The following TENM2 variants were observed in gnomAD, a reference collection of about 807,000 sequenced individuals.
TENM2 encodes teneurin transmembrane protein 2.
Under a neutral mutation model 245.2 loss-of-function variants are expected in TENM2, and 52 were observed. That is an observed-to-expected ratio of 0.21 (90% CI 0.17 to 0.27). The LOEUF is 0.27. Among genes scored for constraint, TENM2 ranks in the 10% least tolerant of loss-of-function variants. The pLI is 1.00. For missense variants in TENM2, 3,046 were observed against 3,666.8 expected (o/e 0.83, Z 4.37); for synonymous variants, 1,363 against 1,438.9 (o/e 0.95, Z 1.19).
the TENM2 span, among the ~76,000 whole-genome samples, chr5:167,022,600 CCTT>C: frequency 2.6e-5 from 4 of 152,182 alleles, no homozygotes; most frequent in Non-Finnish European, 5.9e-5. Context: ...TTAGTTGTCT[CCTT>C]CTAAAATTTG....
At chr5:167,816,848 AG>A (rs35744985) in intron 2 of TENM2, among the ~76,000 whole-genome samples, 83,693 of 151,930 alleles carry the variant, frequency 0.55, 25,920 homozygotes, top group Non-Finnish European at 0.72. Context: ...TTGTAAGGCA[AG>A]AAATGTTCAA....
At chr5:167,393,266 G>A (rs1315737659) in intron 2 of TENM2, among the ~76,000 whole-genome samples, 1 of 152,102 alleles carries the variant, frequency 6.6e-6, no homozygotes, top group Non-Finnish European at 1.5e-5. Flanking sequence ...ACTATGCTAT[G>A]TAGTGATAAA....
the TENM2 span, among the ~76,000 whole-genome samples, chr5:167,040,424 C>T: frequency 6.6e-6 from 1 of 151,958 alleles, no homozygotes; most frequent in Non-Finnish European, 1.5e-5. Context: ...AAGCACTAAA[C>T]TGAAATAGTA....
At chr5:168,229,036 TATATATAATTAC>T (rs1223112506) in intron 25 of TENM2, among the ~76,000 whole-genome samples, 2 of 148,086 alleles carry the variant, frequency 1.4e-5, no homozygotes, top group Admixed American at 6.8e-5. Context: ...TACATTACAT[TATATATAATTAC>T]ATATATAATT....
At chr5:168,158,825 G>GTATATATATATATA (rs1373189808) in intron 12 of TENM2, among the ~76,000 whole-genome samples, 1 of 84,002 alleles carries the variant, frequency 1.2e-5, no homozygotes, top group African/African-American at 4.7e-5. Flanking sequence ...GTGTGTGTGT[G>GTATATATATATATA]TGTGTATATA....
chr5:167,429,662 A>G lies in TENM2; in HGVS notation c.502+54189A>G, dbSNP rs1162333108. Among the ~76,000 whole-genome samples, 5 of 131,686 alleles carry G rather than the reference A, an allele frequency of 3.8e-5. No homozygotes were observed. The South Asian group carries it at 9.5e-4, about 25-fold the overall frequency. The allele number at this position is 131,686 out of a possible 152,430, so 86.4% of individuals were successfully genotyped here. On this transcript the variant is annotated intron_variant, in intron 2 of 28. Coordinates refer to ENST00000518659, the Ensembl canonical transcript of TENM2. ...TCTCACTCTGCCCAGGCTGGAGTGCAGTGAAGCGACCGCGGCTCAGTGCAA... is the reference window on the plus strand; with the variant it reads ...TCTCACTCTGCCCAGGCTGGAGTGCGGTGAAGCGACCGCGGCTCAGTGCAA...
chr5:167,293,959 C>G (rs1754803643), intron 1 of TENM2, among the ~76,000 whole-genome samples: 1 of 141,914 alleles, frequency 7.0e-6, no homozygotes, highest in Admixed American at 7.5e-5. Flanking sequence ...ATCAGAGACT[C>G]TAAGTAGATG....
chr5:167,351,210 A>G (rs1758893523), intron 1 of TENM2, among the ~76,000 whole-genome samples: 1 of 151,138 alleles, frequency 6.6e-6, no homozygotes, highest in Non-Finnish European at 1.5e-5. Flanking sequence ...TATATGGGAT[A>G]TATATACATA....
intron 12 of TENM2, among the ~76,000 whole-genome samples, chr5:168,142,405 G>A (rs1388414030): frequency 6.6e-6 from 1 of 152,220 alleles, no homozygotes; most frequent in African/African-American, 2.4e-5. Context: ...ATGGGGTTAT[G>A]CTAAGTAATA....
intron 2 of TENM2, among the ~76,000 whole-genome samples, chr5:167,765,408 C>CA (rs78952126): frequency 6.6e-6 from 1 of 152,044 alleles, no homozygotes; most frequent in Non-Finnish European, 1.5e-5. Context: ...AGGAATCTGT[C>CA]AAAAAAGGCA....
the TENM2 span, among the ~76,000 whole-genome samples, chr5:167,249,921 A>G: frequency 2.0e-5 from 3 of 152,162 alleles, no homozygotes; most frequent in Non-Finnish European, 2.9e-5. Context: ...TATGTGTTGA[A>G]TTCAGAATTC....
chr5:167,334,030 CA>C (rs1757613613), intron 1 of TENM2, among the ~76,000 whole-genome samples: 1 of 152,102 alleles, frequency 6.6e-6, no homozygotes, highest in Non-Finnish European at 1.5e-5. Context: ...AATAAGAATA[CA>C]CTAATAAATA....
chr5:167,849,571 T>A (rs1770379676), intron 2 of TENM2, among the ~76,000 whole-genome samples: 1 of 151,976 alleles, frequency 6.6e-6, no homozygotes, highest in Non-Finnish European at 1.5e-5. Flanking sequence ...TAGCATCAGA[T>A]CCCACAGGTT....
At chr5:167,678,432 T>C (rs1379381796) in intron 2 of TENM2, among the ~76,000 whole-genome samples, 3 of 152,118 alleles carry the variant, frequency 2.0e-5, no homozygotes, top group Non-Finnish European at 2.9e-5. Context: ...TGCCTGAAGA[T>C]TGGTAAAAAT....
intron 7 of TENM2, among the ~76,000 whole-genome samples, chr5:168,079,990 G>C (rs1791835879): frequency 6.6e-6 from 1 of 152,168 alleles, no homozygotes; most frequent in Admixed American, 6.5e-5. Context: ...AATTGGAATA[G>C]TTTCAGAAGG....
intron 7 of TENM2, among the ~76,000 whole-genome samples, chr5:168,083,524 A>G (rs750050565): frequency 8.0e-4 from 122 of 152,326 alleles, no homozygotes; most frequent in Non-Finnish European, 1.2e-3. Flanking sequence ...GTCTTCTGCA[A>G]TGCTCACACT....
At chr5:167,050,124 G>T in the TENM2 span, among the ~76,000 whole-genome samples, 1 of 152,146 alleles carries the variant, frequency 6.6e-6, no homozygotes, top group Non-Finnish European at 1.5e-5. Flanking sequence ...AGAGAGAAGG[G>T]TCTAGAATAG....
intron 2 of TENM2, among the ~76,000 whole-genome samples, chr5:167,642,072 C>T (rs904716902): frequency 1.3e-4 from 20 of 149,558 alleles, no homozygotes; most frequent in African/African-American, 4.9e-4. Context: ...ACCCAGGAGG[C>T]GGAGGTTGCA....
intron 2 of TENM2, among the ~76,000 whole-genome samples, chr5:167,428,160 A>G (rs896669349): frequency 2.0e-5 from 3 of 152,212 alleles, no homozygotes; most frequent in Non-Finnish European, 2.9e-5. Flanking sequence ...GCAAAATGCT[A>G]TAGATACAGA....
Sources: allele counts gnomAD v4.1 joint callset (sites outside exome capture counted in the v4.1 genomes callset), GRCh38; gene constraint gnomAD v4.1.1; transcripts MANE v1.5; gene names NCBI Gene and HGNC (gene_info 2026-07-23, HGNC 2026-07-21).